The following PURA variants were observed in gnomAD, a reference collection of about 807,000 sequenced individuals.
The protein encoded by PURA is purine rich element binding protein A.
A neutral mutation model predicts 23.1 loss-of-function variants in PURA; 2 were observed. The ratio of observed to expected loss-of-function variants is 0.09; its 90% CI spans 0.04 to 0.27. The LOEUF (loss-of-function observed/expected upper bound fraction) is 0.27, where lower values mean the gene tolerates loss of function less well. Among genes scored for constraint, PURA ranks in the 10% least tolerant of loss-of-function variants. The pLI is 1.00. For missense variants in PURA, 187 were observed against 449.7 expected (o/e 0.42, Z 5.28); for synonymous variants, 254 against 205.9 (o/e 1.23, Z -2.00).
rs1278407478 is a variant in PURA, at chr5:140,117,350, CAT to C, written c.*2201_*2202del. 6.0e-6 allele frequency: 1 copy of C among 166,860 alleles called. No individual in the cohort carries two copies. The highest frequency in any genetic ancestry group is 1.5e-5 in the Non-Finnish European group (1 of 68,084). 10.3% of individuals were successfully genotyped at this position (166,860 alleles called of 1,614,324 possible). A position where few individuals can be genotyped will look rare whatever the true frequency, so the allele number is the denominator to read the frequency against. ...GGAATGCTTATCAACTGCATGTAAA[CAT>C]TAATAACCTGCACTTTTTTGTCTTA... is the stretch of plus-strand genomic sequence containing the variant. On this transcript the variant is annotated 3_prime_UTR_variant, in exon 1 of 1. Coordinates refer to ENST00000331327, the MANE Select transcript of PURA (RefSeq NM_005859.5).
In PURA at chr5:140,116,596, A is replaced by G. The variant is rs543039715; in HGVS notation, c.*1446A>G. ...CACTTTACCAAGCTGGTGTCCTCCA[A>G]ACTGAAATTGTTTGTAACGATAGTC... On this transcript the variant is annotated 3_prime_UTR_variant, in exon 1 of 1. Coordinates refer to ENST00000331327, the MANE Select transcript of PURA (RefSeq NM_005859.5). The G allele has an allele frequency of 1.5e-4, 25 of 167,066 alleles. No individual in the cohort carries two copies. Among genetic ancestry groups the G allele is most frequent in the Non-Finnish European group, 1.3e-4 (9 of 68,092 alleles). 10.3% of individuals were successfully genotyped at this position (167,066 alleles called of 1,614,324 possible). A position where few individuals can be genotyped will look rare whatever the true frequency, so the allele number is the denominator to read the frequency against.
In PURA at chr5:140,115,969, A is replaced by G. The variant is rs1581037158; in HGVS notation, c.*819A>G. 2 of 167,132 alleles carry G rather than the reference A, an allele frequency of 1.2e-5. No homozygotes were observed. The highest frequency in any genetic ancestry group is 4.8e-5 in the African/African-American group (2 of 41,472). The allele number at this position is 167,132 out of a possible 1,614,324, so 10.4% of individuals were successfully genotyped here. ...AGAAATTATTAAAAAAGGCATTTAA[A>G]TGAAATTTGCTAAGTTGTGATTTTT... On this transcript the variant is annotated 3_prime_UTR_variant, in exon 1 of 1. Transcript: ENST00000331327. This position sits in a 1 kb window ranked among gnomAD's most constrained non-coding sequence, Gnocchi z 4.1.
rs1763103729 is a variant in PURA, at chr5:140,117,751, T to C, written c.*2601T>C. 6.0e-6 allele frequency: 1 copy of C among 165,424 alleles called. No homozygotes were observed. Among genetic ancestry groups the C allele is most frequent in the South Asian group, 2.1e-4 (1 of 4,826 alleles). The allele number at this position is 165,424 out of a possible 1,614,324, so 10.2% of individuals were successfully genotyped here. A position where few individuals can be genotyped will look rare whatever the true frequency, so the allele number is the denominator to read the frequency against. On this transcript the variant is annotated 3_prime_UTR_variant, in exon 1 of 1. Coordinates refer to ENST00000331327, the MANE Select transcript of PURA (RefSeq NM_005859.5). ...CTCAAGAAGCACATGTATTGTGCAA[T>C]TAATTGTCTTTACACTAAAACAGTT...
chr5:140,114,825 C>A lies in PURA; in HGVS notation c.644C>A (p.Pro215Gln). The A allele has an allele frequency of 6.2e-7, 1 of 1,614,128 alleles. No homozygotes were observed. The highest frequency in any genetic ancestry group is 8.5e-7 in the Non-Finnish European group (1 of 1,179,984). Residue 215 changes from proline to glutamine, a missense_variant, in exon 1 of 1, where the codon CCG becomes CAG. This residue lies in a region of PURA where 65 missense variants were observed against 158.6 expected (regional missense o/e 0.41). Coordinates refer to ENST00000331327, the MANE Select transcript of PURA (RefSeq NM_005859.5). ...GACGACTACGGAGTGGAGGAGGAGC[C>A]GGCCGAGCTGCCCGAGGGCACCTCC... is the stretch of plus-strand genomic sequence containing the variant. ...LIDDYGVEEE[P>Q]AELPEGTSLT...
Position 140,114,175 on chromosome 5 carries a change from C to A in PURA, c.-7C>A. On this transcript the variant is annotated 5_prime_UTR_variant, in exon 1 of 1. Coordinates refer to ENST00000331327, the MANE Select transcript of PURA (RefSeq NM_005859.5). ...GCGGCGGCGGCGCGGCAGCGGAGCG[C>A]AGCATCATGGCGGACCGAGACAGCG... The A allele has an allele frequency of 1.4e-6, 1 of 712,906 alleles. No individual in the cohort carries two copies. Among genetic ancestry groups the A allele is most frequent in the Non-Finnish European group, 1.9e-6 (1 of 527,550 alleles). 44.2% of individuals were successfully genotyped at this position (712,906 alleles called of 1,614,324 possible).
rs560693598 is a variant in PURA, at chr5:140,122,634, C to T, written c.*7484C>T. 1.6e-3 allele frequency: 273 copies of T among 166,958 alleles called. No individual in the cohort carries two copies. The highest frequency in any genetic ancestry group is 2.1e-3 in the Non-Finnish European group (142 of 67,972). The allele number at this position is 166,958 out of a possible 1,614,324, so 10.3% of individuals were successfully genotyped here. ...ATGTTTCTGTTTCCCTACTTTCTCT[C>T]TTACTTTAAAATTGTAGTATTCCCA... On this transcript the variant is annotated 3_prime_UTR_variant, in exon 1 of 1. Coordinates refer to ENST00000331327, the MANE Select transcript of PURA (RefSeq NM_005859.5).
At position 140,114,268 on chromosome 5, in the gene PURA, C is replaced by A; in HGVS notation, c.87C>A (p.Gly29=). The A allele has an allele frequency of 8.2e-6, 10 of 1,217,476 alleles. No homozygotes were observed. Among genetic ancestry groups the A allele is most frequent in the Non-Finnish European group, 1.0e-5 (10 of 986,128 alleles). The allele number at this position is 1,217,476 out of a possible 1,614,324, so 75.4% of individuals were successfully genotyped here. The change falls in exon 1 of 1, where the codon GGC becomes GGA. Residue 29 remains glycine (G), a synonymous_variant. Transcript: ENST00000331327. The part of the protein sequence containing the change: ...GSLGHPGSGS[G]SGGGGGGGGG... ...TGGGGCACCCCGGCTCGGGCTCAGG[C>A]TCCGGCGGGGGCGGTGGTGGCGGCG...
At position 140,120,682 on chromosome 5, in the gene PURA, A is replaced by G. The variant is rs1763142822; in HGVS notation, c.*5532A>G. On this transcript the variant is annotated 3_prime_UTR_variant, in exon 1 of 1. Coordinates refer to ENST00000331327, the MANE Select transcript of PURA (RefSeq NM_005859.5). Reference sequence around the variant, plus strand: ...GTCAGGTAGAATTTCATGATAAAAGAACAACCAGATGAAATAAGAAATAAT... The same window carrying G: ...GTCAGGTAGAATTTCATGATAAAAGGACAACCAGATGAAATAAGAAATAAT... 6.0e-6 allele frequency: 1 copy of G among 166,286 alleles called. No individual in the cohort carries two copies. Among genetic ancestry groups the G allele is most frequent in the African/African-American group, 2.4e-5 (1 of 41,452 alleles). 10.3% of individuals were successfully genotyped at this position (166,286 alleles called of 1,614,324 possible).
chr5:140,115,221 T>TA lies in PURA; in HGVS notation c.*72dup. ...CACACACAGCCACACACACAGAAAA[T>TA]ATACTGTAAAGAAAGAGAGAAAATA... On this transcript the variant is annotated 3_prime_UTR_variant, in exon 1 of 1. Transcript: ENST00000331327. The surrounding 1 kb of genome is among the most constrained non-coding windows in gnomAD (Gnocchi z 4.1). 2.2e-6 allele frequency: 2 copies of TA among 916,904 alleles called. No individual in the cohort carries two copies. The highest frequency in any genetic ancestry group is 3.0e-6 in the Non-Finnish European group (2 of 659,506). 56.8% of individuals were successfully genotyped at this position (916,904 alleles called of 1,614,324 possible).
rs565558598 is a variant in PURA at position 140,120,336 on chromosome 5, C to T, written c.*5186C>T. On this transcript the variant is annotated 3_prime_UTR_variant, in exon 1 of 1. Transcript: ENST00000331327. ...TTGGAATTGCTTACATAGATAAATT[C>T]ACCAAAGTTATTTGTGTAGATTTGT... 5 of 166,856 alleles carry T rather than the reference C, an allele frequency of 3.0e-5. No homozygotes were observed. Among genetic ancestry groups the T allele is most frequent in the Admixed American group, 1.3e-4 (2 of 15,258 alleles). 10.3% of individuals were successfully genotyped at this position (166,856 alleles called of 1,614,324 possible).
Position 140,115,169 on chromosome 5 carries a change from C to CCACACACACACACACATGCATA in PURA, c.*33_*34insCATGCATACACACACACACACA. The stretch of plus-strand genomic sequence containing the variant: ...AGATTGATCAAACTGAATGAAACCC[C>CCACACACACACACACATGCATA]CACACACACACACATGCATACACAC... On this transcript the variant is annotated 3_prime_UTR_variant, in exon 1 of 1. Coordinates refer to ENST00000331327, the MANE Select transcript of PURA (RefSeq NM_005859.5). This position sits in a 1 kb window ranked among gnomAD's most constrained non-coding sequence, Gnocchi z 4.1. 1 of 1,376,188 alleles carries CCACACACACACACACATGCATA rather than the reference C, an allele frequency of 7.3e-7. No homozygotes were observed. Among genetic ancestry groups the CCACACACACACACACATGCATA allele is most frequent in the Non-Finnish European group, 9.9e-7 (1 of 1,014,862 alleles). The allele number at this position is 1,376,188 out of a possible 1,614,324, so 85.2% of individuals were successfully genotyped here.
At position 140,114,341 on chromosome 5, in the gene PURA, C is replaced by T. The variant is rs1182730652; in HGVS notation, c.160C>T (p.Leu54=). The T allele has an allele frequency of 5.8e-6, 9 of 1,546,490 alleles. No homozygotes were observed. The highest frequency in any genetic ancestry group is 7.8e-6 in the Non-Finnish European group (9 of 1,153,766). The stretch of plus-strand genomic sequence containing the variant: ...CGGCGGCGGCGGGGCCCCAGGGGGG[C>T]TGCAGCACGAGACGCAGGAGCTGGC... ...GGGGGGAPGG[L]QHETQELASK... Residue 54 remains leucine, a synonymous_variant, in exon 1 of 1, where the codon CTG becomes TTG. Coordinates refer to ENST00000331327, the MANE Select transcript of PURA (RefSeq NM_005859.5).
rs1289477846 is a variant in PURA, at chr5:140,123,500, G to C, written c.*8350G>C. On this transcript the variant is annotated 3_prime_UTR_variant, in exon 1 of 1. Coordinates refer to ENST00000331327, the MANE Select transcript of PURA (RefSeq NM_005859.5). ...TTCTAGTCTTTTCTAATTTCTTGCA[G>C]AATTGTGTTTTCAATATTCCACCCA... 6.0e-6 allele frequency: 1 copy of C among 166,532 alleles called. No individual in the cohort carries two copies. Among genetic ancestry groups the C allele is most frequent in the Non-Finnish European group, 1.5e-5 (1 of 68,052 alleles). 10.3% of individuals were successfully genotyped at this position (166,532 alleles called of 1,614,324 possible).
At position 140,122,406 on chromosome 5, in the gene PURA, T is replaced by A. The variant is rs997605850; in HGVS notation, c.*7256T>A. ...ACTCCACAAAGACACATATTATTCC[T>A]TGCTTTTATAGAATTTTGAGACTTT... On this transcript the variant is annotated 3_prime_UTR_variant, in exon 1 of 1. Coordinates refer to ENST00000331327, the MANE Select transcript of PURA (RefSeq NM_005859.5). The A allele has an allele frequency of 1.2e-5, 2 of 166,916 alleles. No individual in the cohort carries two copies. Among genetic ancestry groups the A allele is most frequent in the Non-Finnish European group, 2.9e-5 (2 of 68,012 alleles). The allele number at this position is 166,916 out of a possible 1,614,324, so 10.3% of individuals were successfully genotyped here. A position where few individuals can be genotyped will look rare whatever the true frequency, so the allele number is the denominator to read the frequency against.
rs1053621009 is a variant in PURA, at chr5:140,125,016, C to T, written c.*9866C>T. 6.0e-6 allele frequency: 1 copy of T among 166,940 alleles called. No homozygotes were observed. The highest frequency in any genetic ancestry group is 1.5e-5 in the Non-Finnish European group (1 of 68,082). 10.3% of individuals were successfully genotyped at this position (166,940 alleles called of 1,614,324 possible). A position where few individuals can be genotyped will look rare whatever the true frequency, so the allele number is the denominator to read the frequency against. On this transcript the variant is annotated 3_prime_UTR_variant, in exon 1 of 1. Coordinates refer to ENST00000331327, the MANE Select transcript of PURA (RefSeq NM_005859.5). ...CGAGGCCATTTTTAGTTTTCTGCCC[C>T]CATTTCCCAGTCCTGGTATAAAATG...
chr5:140,115,185 G>C lies in PURA; in HGVS notation c.*35G>C, dbSNP rs1292617827. On this transcript the variant is annotated 3_prime_UTR_variant, in exon 1 of 1. Coordinates refer to ENST00000331327, the MANE Select transcript of PURA (RefSeq NM_005859.5). This position sits in a 1 kb window ranked among gnomAD's most constrained non-coding sequence, Gnocchi z 4.1. ...ATGAAACCCCCACACACACACACAT[G>C]CATACACACACACACACAGCCACAC... The C allele has an allele frequency of 4.4e-6, 5 of 1,124,582 alleles. No individual in the cohort carries two copies. In the African/African-American group the frequency reaches 8.0e-5, roughly 18 times the overall value. 69.7% of individuals were successfully genotyped at this position (1,124,582 alleles called of 1,614,324 possible).
chr5:140,122,387 C>T lies in PURA; in HGVS notation c.*7237C>T, dbSNP rs1763163422. On this transcript the variant is annotated 3_prime_UTR_variant, in exon 1 of 1. Coordinates refer to ENST00000331327, the MANE Select transcript of PURA (RefSeq NM_005859.5). ...TCAAATTATTTGATTTTGTACTCCA[C>T]AAAGACACATATTATTCCTTGCTTT... is the stretch of plus-strand genomic sequence containing the variant. 6.0e-6 allele frequency: 1 copy of T among 166,826 alleles called. No homozygotes were observed. Among genetic ancestry groups the T allele is most frequent in the Non-Finnish European group, 1.5e-5 (1 of 68,014 alleles). 10.3% of individuals were successfully genotyped at this position (166,826 alleles called of 1,614,324 possible). A position where few individuals can be genotyped will look rare whatever the true frequency, so the allele number is the denominator to read the frequency against.
Position 140,114,299 on chromosome 5 carries a change from G to A in PURA, c.118G>A (p.Gly40Ser). The change falls in exon 1 of 1, where the codon GGC becomes AGC. Residue 40 changes from glycine to serine, a missense_variant. Gly to Ser is a moderately conservative substitution (Grantham distance 56, BLOSUM62 0). Transcript: ENST00000331327. ...CGGGGGCGGTGGTGGCGGCGGGGGC[G>A]GCGGCGGCAGTGGCGGCGGCGGCGG... Reference protein sequence around the residue: ...SGGGGGGGGGGGGSGGGGGGA... With the variant: ...SGGGGGGGGGSGGSGGGGGGA... 1 of 1,268,460 alleles carries A rather than the reference G, an allele frequency of 7.9e-7. No homozygotes were observed. Among genetic ancestry groups the A allele is most frequent in the Non-Finnish European group, 9.9e-7 (1 of 1,014,800 alleles). The allele number at this position is 1,268,460 out of a possible 1,614,324, so 78.6% of individuals were successfully genotyped here. A position where few individuals can be genotyped will look rare whatever the true frequency, so the allele number is the denominator to read the frequency against.
rs1561795634 is a variant in PURA, at chr5:140,125,088, C to G, written c.*9938C>G. On this transcript the variant is annotated 3_prime_UTR_variant, in exon 1 of 1. Transcript: ENST00000331327. ...TCCCTATAACCCTTTTTGGGGGTCA[C>G]AGATATCTTTGATAATCTGATGACA... The G allele has an allele frequency of 6.0e-6, 1 of 166,722 alleles. No individual in the cohort carries two copies. Among genetic ancestry groups the G allele is most frequent in the East Asian group, 1.9e-4 (1 of 5,184 alleles). The allele number at this position is 166,722 out of a possible 1,614,324, so 10.3% of individuals were successfully genotyped here. A position where few individuals can be genotyped will look rare whatever the true frequency, so the allele number is the denominator to read the frequency against.
Sources: gnomAD v4.1 joint callset for allele counts on GRCh38, gnomAD v4.1.1 for gene constraint, gnomAD v4.1.1 regional missense constraint, Gnocchi (gnomAD v3.1) non-coding constraint, MANE v1.5 for transcripts, NCBI Gene and HGNC (gene_info 2026-07-23, HGNC 2026-07-21) for gene names.